PTGS1: variants seen among roughly 807,000 people sequenced by gnomAD.
PTGS1 encodes prostaglandin G/H synthase 1.
In PTGS1, 40 loss-of-function variants were observed where a neutral mutation model predicts 63.0. The observed-to-expected ratio is 0.63, with a 90% confidence interval of 0.49 to 0.83. The LOEUF is 0.83. PTGS1 is among the 40% of genes least tolerant of loss of function. The pLI is 0.00. For missense variants in PTGS1, 709 were observed against 786.5 expected (o/e 0.90, Z 1.18); for synonymous variants, 298 against 301.9 (o/e 0.99, Z 0.13).
At chr9:122,375,673 G>C (rs1837094821) in intron 2 of PTGS1, among the ~76,000 whole-genome samples, 1 of 152,198 alleles carries the variant, frequency 6.6e-6, no homozygotes, top group African/African-American at 2.4e-5. Context: ...GGAGGAGGGA[G>C]TGTGGACATT....
upstream of PTGS1, chr9:122,370,726 CAGACG>C: frequency 3.9e-6 from 2 of 507,056 alleles, no homozygotes; most frequent in Non-Finnish European, 7.0e-6. Context: ...GTATGTGGTT[CAGACG>C]AGCCGCTTCC....
chr9:122,375,272 C>A lies in PTGS1; in HGVS notation c.95-2627C>A. 8 of 985,188 alleles carry A rather than the reference C, an allele frequency of 8.1e-6. 1 individual carries two copies. The South Asian group carries it at 3.8e-4, about 46-fold the overall frequency. 61.0% of individuals were successfully genotyped at this position (985,188 alleles called of 1,614,324 possible). ...GGGAGGAGCCTCAGCTCCCGCACAG[C>A]CTCTCTTGGCAGGGAGGGTGTGGGC... is the stretch of plus-strand genomic sequence containing the variant. On this transcript the variant is annotated intron_variant, in intron 2 of 10. Transcript: ENST00000362012.
intron 8 of PTGS1, among the ~76,000 whole-genome samples, chr9:122,384,173 A>G (rs1837723040): frequency 6.6e-6 from 1 of 152,038 alleles, no homozygotes; most frequent in African/African-American, 2.4e-5. Context: ...AGGAATCTTC[A>G]TGTTCCCTTC....
chr9:122,378,152 T>C, intron 3 of PTGS1, 137 bp downstream of exon 3: 1 of 935,578 alleles, frequency 1.1e-6, no homozygotes, highest in Non-Finnish European at 1.6e-6. Context: ...TCTGCCCCTC[T>C]CCCTGACCTG....
Position 122,383,735 on chromosome 9 carries a change from C to T in PTGS1, c.989C>T (p.Thr330Met), listed in dbSNP as rs543848883. 16 of 1,611,760 alleles carry T rather than the reference C, an allele frequency of 9.9e-6. No individual in the cohort carries two copies. Among genetic ancestry groups the T allele is most frequent in the Middle Eastern group, 1.6e-4 (1 of 6,062 alleles). The change falls in exon 8 of 11, where the codon ACG (threonine) becomes ATG (methionine). Residue 330 changes from threonine to methionine, a missense_variant. Transcript: ENST00000362012. ...TGGGGCGATGAGCAGCTTTTCCAGA[C>T]GACCCGCCTCATCCTCATAGGTGAG... ...PTWGDEQLFQ[T>M]TRLILIGETI... is the part of the protein sequence containing the mutation.
Position 122,381,654 on chromosome 9 carries a change from C to A in PTGS1, c.679-10C>A, listed in dbSNP as rs566780237. On this transcript the variant is annotated splice_polypyrimidine_tract_variant and intron_variant, in intron 6 of 10. Transcript: ENST00000362012. ...CCTGGTGACCTGAGGGAACCCCTCT[C>A]TGTCCACAGGTAGACCTCGGCCACA... 6.2e-7 allele frequency: 1 copy of A among 1,614,064 alleles called. No individual in the cohort carries two copies. The highest frequency in any genetic ancestry group is 8.5e-7 in the Non-Finnish European group (1 of 1,179,880).
intron 9 of PTGS1, among the ~76,000 whole-genome samples, chr9:122,387,134 G>A (rs920291958): frequency 1.3e-5 from 2 of 151,862 alleles, no homozygotes; most frequent in African/African-American, 2.4e-5. Context: ...GAGTCAGGAA[G>A]GGACATCTGA....
chr9:122,376,194 A>G (rs1384882966), intron 2 of PTGS1, among the ~76,000 whole-genome samples: 1 of 152,108 alleles, frequency 6.6e-6, no homozygotes, highest in Non-Finnish European at 1.5e-5. Flanking sequence ...CCTGCCTGCC[A>G]GGTTTGCCTG....
intron 5 of PTGS1, among the ~76,000 whole-genome samples, chr9:122,380,980 T>C (rs1327854961): frequency 6.6e-6 from 1 of 152,230 alleles, no homozygotes; most frequent in Non-Finnish European, 1.5e-5. Context: ...TATTTCTTTT[T>C]GGTGAAATGT....
chr9:122,377,213 T>G (rs1031749601), intron 2 of PTGS1, among the ~76,000 whole-genome samples: 2 of 152,164 alleles, frequency 1.3e-5, no homozygotes, highest in South Asian at 4.1e-4. Context: ...TTCCTTAGAC[T>G]TGGCTGCTGA....
At position 122,372,315 on chromosome 9, in the gene PTGS1, G is replaced by A. The variant is rs114736307; in HGVS notation, c.94+1043G>A. Among the ~76,000 whole-genome samples, 910 of 152,290 alleles carry A rather than the reference G, an allele frequency of 6.0e-3. 17 individuals carry two copies. Among genetic ancestry groups the A allele is most frequent in the African/African-American group, 0.021 (887 of 41,550 alleles). The stretch of plus-strand genomic sequence containing the variant: ...CCAAGTTTCCTGAAACGGGCTTTGG[G>A]TGGGTGGCATTTAGGGGACCCAAAG... On this transcript the variant is annotated intron_variant, in intron 2 of 10. Coordinates refer to ENST00000362012, the MANE Select transcript of PTGS1 (RefSeq NM_000962.4).
chr9:122,373,937 T>A (rs1836959320), intron 2 of PTGS1, among the ~76,000 whole-genome samples: 1 of 152,116 alleles, frequency 6.6e-6, no homozygotes, highest in South Asian at 2.1e-4. Flanking sequence ...TCCTGCCTCT[T>A]CACTGGGCAA....
rs1838475424 is a variant in PTGS1, at chr9:122,394,657, G to T, written c.*2113G>T. ...TCTATCAGGGGTGCATTCTGGCCAA[G>T]GGGTGGGCCTGTGAATCAATCCTGG... On this transcript the variant is annotated 3_prime_UTR_variant, in exon 11 of 11. Coordinates refer to ENST00000362012, the MANE Select transcript of PTGS1 (RefSeq NM_000962.4). The T allele has an allele frequency of 6.6e-6, 1 of 152,166 alleles. No individual in the cohort carries two copies. The highest frequency in any genetic ancestry group is 2.4e-5 in the African/African-American group (1 of 41,386). 9.4% of individuals were successfully genotyped at this position (152,166 alleles called of 1,614,324 possible).
intron 2 of PTGS1, among the ~76,000 whole-genome samples, chr9:122,377,428 G>C (rs1345979773): frequency 6.6e-6 from 1 of 152,094 alleles, no homozygotes; most frequent in African/African-American, 2.4e-5. Context: ...GTGGTGGTCT[G>C]GGAGAAGTCC....
chr9:122,371,725 C>T, intron 2 of PTGS1: 1 of 1,516,000 alleles, frequency 6.6e-7, no homozygotes, highest in Non-Finnish European at 8.8e-7. Context: ...AAGGTCTCCC[C>T]TGGTGAAGAC....
chr9:122,376,067 T>C (rs1369302504), intron 2 of PTGS1, among the ~76,000 whole-genome samples: 1 of 152,062 alleles, frequency 6.6e-6, no homozygotes. Flanking sequence ...AAGTCCTTTC[T>C]TGGGGGAACC....
chr9:122,390,669 G>A (rs10306175), intron 10 of PTGS1, among the ~76,000 whole-genome samples: 2,796 of 152,142 alleles, frequency 0.018, 71 homozygotes, highest in African/African-American at 0.064. Context: ...AGGCTCAGGC[G>A]GGTGGATCAC....
At chr9:122,376,138 CT>C (rs1837139323) in intron 2 of PTGS1, among the ~76,000 whole-genome samples, 1 of 152,022 alleles carries the variant, frequency 6.6e-6, no homozygotes, top group Non-Finnish European at 1.5e-5. Flanking sequence ...GGGCCTGTGG[CT>C]GGGGGAGGCG....
rs10306192 is a variant in PTGS1, at chr9:122,393,651, G to C, written c.*1107G>C. ...AGCACATACTGTGTTCCAATTTCACGCTTTTAATTCTCATTTGTTCTCACA... is the reference window on the plus strand; with the variant it reads ...AGCACATACTGTGTTCCAATTTCACCCTTTTAATTCTCATTTGTTCTCACA... On this transcript the variant is annotated 3_prime_UTR_variant, in exon 11 of 11. Transcript: ENST00000362012. The C allele has an allele frequency of 0.049, 7,538 of 152,324 alleles. 241 individuals carry two copies. Among genetic ancestry groups the C allele is most frequent in the South Asian group, 0.14 (691 of 4,824 alleles). 9.4% of individuals were successfully genotyped at this position (152,324 alleles called of 1,614,324 possible).
Sources: allele counts gnomAD v4.1 joint callset (sites outside exome capture counted in the v4.1 genomes callset), GRCh38; gene constraint gnomAD v4.1.1; transcripts MANE v1.5; gene names NCBI Gene and HGNC (gene_info 2026-07-23, HGNC 2026-07-21).